Variants in ARHGAP15 observed in about 807,000 individuals in gnomAD.
ARHGAP15 encodes the protein rho GTPase-activating protein 15.
In ARHGAP15, 51 loss-of-function variants were observed where a neutral mutation model predicts 63.7. That is an observed-to-expected ratio of 0.80 (90% CI 0.64 to 1.01). The LOEUF (loss-of-function observed/expected upper bound fraction) is 1.01, where lower values mean the gene tolerates loss of function less well. Ranked by LOEUF, ARHGAP15 falls within the 50% of genes least tolerant of loss-of-function variation. The pLI is 0.00. For missense variants in ARHGAP15, 560 were observed against 564.6 expected (o/e 0.99, Z 0.08); for synonymous variants, 191 against 193.8 (o/e 0.99, Z 0.12).
chr2:143,526,050 T>C (rs1694259262), intron 10 of ARHGAP15, among the ~76,000 whole-genome samples: 1 of 152,140 alleles, frequency 6.6e-6, no homozygotes, highest in African/African-American at 2.4e-5. Context: ...AGAAAATGCT[T>C]GAAACTTAAA....
intron 6 of ARHGAP15, among the ~76,000 whole-genome samples, chr2:143,325,389 A>C (rs1384940128): frequency 1.3e-5 from 2 of 152,048 alleles, no homozygotes; most frequent in African/African-American, 4.8e-5. Context: ...TCAACAAAAC[A>C]CCTCATTTTA....
chr2:143,279,011 G>A (rs755192565), intron 6 of ARHGAP15, among the ~76,000 whole-genome samples: 2 of 151,902 alleles, frequency 1.3e-5, no homozygotes, highest in Non-Finnish European at 2.9e-5. Context: ...TCCTACCTAA[G>A]TCACTTAATC....
At chr2:143,656,869 CA>C (rs1681461750) in intron 12 of ARHGAP15, among the ~76,000 whole-genome samples, 2 of 151,394 alleles carry the variant, frequency 1.3e-5, no homozygotes, top group South Asian at 4.2e-4. Flanking sequence ...AACTTGGTCA[CA>C]AAGACCTCCC....
At chr2:143,399,848 G>A (rs1257597923) in intron 6 of ARHGAP15, among the ~76,000 whole-genome samples, 1 of 151,992 alleles carries the variant, frequency 6.6e-6, no homozygotes, top group African/African-American at 2.4e-5. Context: ...TTGGTGGGAA[G>A]ATGATCTTGA....
chr2:143,296,951 A>G (rs1214249893), intron 6 of ARHGAP15, among the ~76,000 whole-genome samples: 1 of 151,988 alleles, frequency 6.6e-6, no homozygotes, highest in Non-Finnish European at 1.5e-5. Flanking sequence ...GCTAAGGATA[A>G]TAGCCAAATA....
chr2:143,658,307 C>A (rs1173137744), intron 12 of ARHGAP15, among the ~76,000 whole-genome samples: 1 of 152,168 alleles, frequency 6.6e-6, no homozygotes, highest in Non-Finnish European at 1.5e-5. Context: ...CATGTATAGG[C>A]AGTAATGGAC....
chr2:143,546,226 C>T lies in ARHGAP15; in HGVS notation c.926-10182C>T, dbSNP rs1413854461. On this transcript the variant is annotated intron_variant, in intron 10 of 13. Transcript: ENST00000295095. ...AAAATCCAATGGAAAACAATGAGGTCACTTTGTTTAGATGTTAAAAAAAAT... is the reference window on the plus strand; with the variant it reads ...AAAATCCAATGGAAAACAATGAGGTTACTTTGTTTAGATGTTAAAAAAAAT... Among the ~76,000 whole-genome samples, 4 of 151,954 alleles carry T rather than the reference C, an allele frequency of 2.6e-5. No individual in the cohort carries two copies. In the East Asian group the frequency reaches 7.7e-4, roughly 29 times the overall value.
chr2:143,274,564 C>A (rs538320115), intron 6 of ARHGAP15, among the ~76,000 whole-genome samples: 70 of 152,296 alleles, frequency 4.6e-4, no homozygotes, highest in African/African-American at 1.7e-3. Context: ...ATTGTAATAG[C>A]CTTGTTATCA....
chr2:143,343,315 G>A (rs1204802477), intron 6 of ARHGAP15, among the ~76,000 whole-genome samples: 2 of 151,978 alleles, frequency 1.3e-5, no homozygotes, highest in African/African-American at 2.4e-5. Flanking sequence ...GTTGAAAAAC[G>A]GCAGTCAGTT....
At chr2:143,635,175 C>G (rs1680242026) in intron 12 of ARHGAP15, among the ~76,000 whole-genome samples, 1 of 99,184 alleles carries the variant, frequency 1.0e-5, no homozygotes. Context: ...AGAGAACTTT[C>G]ATATTAACCT....
At chr2:143,553,054 CA>C (rs1695642544) in intron 10 of ARHGAP15, among the ~76,000 whole-genome samples, 1 of 152,144 alleles carries the variant, frequency 6.6e-6, no homozygotes, top group South Asian at 2.1e-4. Flanking sequence ...GCATAACTTT[CA>C]AAGTTCTTGG....
At chr2:143,233,399 A>T (rs547944809) in intron 5 of ARHGAP15, among the ~76,000 whole-genome samples, 1 of 152,106 alleles carries the variant, frequency 6.6e-6, no homozygotes, top group South Asian at 2.1e-4. Context: ...AGTCATTTTC[A>T]GTCAGCATGT....
chr2:143,483,790 A>G (rs1034696223), intron 8 of ARHGAP15, among the ~76,000 whole-genome samples: 1 of 152,248 alleles, frequency 6.6e-6, no homozygotes, highest in African/African-American at 2.4e-5. Flanking sequence ...CTGATATTCA[A>G]GGTCTTGTAA....
chr2:143,155,751 C>G (rs1251930048), intron 2 of ARHGAP15, 96 bp downstream of exon 2: 1 of 1,298,478 alleles, frequency 7.7e-7, no homozygotes, highest in Non-Finnish European at 1.0e-6. Context: ...ATTTGTTTTC[C>G]TAATGTGCAT....
At chr2:143,140,983 G>A (rs1180468018) in intron 1 of ARHGAP15, among the ~76,000 whole-genome samples, 2 of 152,138 alleles carry the variant, frequency 1.3e-5, no homozygotes, top group African/African-American at 4.8e-5. Context: ...GGTTCAGGGT[G>A]GGAAACCAGC....
intron 10 of ARHGAP15, among the ~76,000 whole-genome samples, chr2:143,547,871 A>G (rs900688281): frequency 6.6e-6 from 1 of 152,218 alleles, no homozygotes; most frequent in South Asian, 2.1e-4. Flanking sequence ...AATAGTAAAA[A>G]GCAAGATAGC....
intron 6 of ARHGAP15, among the ~76,000 whole-genome samples, chr2:143,334,877 G>A (rs1408909254): frequency 6.6e-6 from 1 of 152,156 alleles, no homozygotes; most frequent in Non-Finnish European, 1.5e-5. Flanking sequence ...GATCATCTGA[G>A]GTCGGGAGTT....
intron 9 of ARHGAP15, among the ~76,000 whole-genome samples, chr2:143,509,890 G>A (rs539896709): frequency 2.0e-5 from 3 of 151,692 alleles, no homozygotes; most frequent in Non-Finnish European, 2.9e-5. Context: ...GTGTGCTGGC[G>A]CATGCCTGTA....
chr2:143,516,942 TTTG>T (rs1438969418), intron 9 of ARHGAP15, among the ~76,000 whole-genome samples: 1 of 151,462 alleles, frequency 6.6e-6, no homozygotes, highest in Non-Finnish European at 1.5e-5. Flanking sequence ...TTTGTTTTTG[TTTG>T]TTGTTGTTGT....
Sources: allele counts gnomAD v4.1 joint callset (sites outside exome capture counted in the v4.1 genomes callset), GRCh38; gene constraint gnomAD v4.1.1; transcripts MANE v1.5; gene names NCBI Gene and HGNC (gene_info 2026-07-23, HGNC 2026-07-21).